ZNF81: variants seen among roughly 807,000 people sequenced by gnomAD.
ZNF81 encodes the protein zinc finger protein 81 (HFZ20).
A neutral mutation model predicts 32.3 loss-of-function variants in ZNF81; 5 were observed. That is an observed-to-expected ratio of 0.15 (90% confidence interval 0.08 to 0.33). The LOEUF (loss-of-function observed/expected upper bound fraction) is 0.33, where lower values mean the gene tolerates loss of function less well. Among genes scored for constraint, ZNF81 ranks in the 10% least tolerant of loss-of-function variants. ZNF81 has a pLI of 1.00. For synonymous variants in ZNF81, 163 were observed against 166.8 expected (o/e 0.98, Z 0.17); for missense variants, 379 against 479.8 (o/e 0.79, Z 1.96).
intron 3 of ZNF81, chrX:47,888,353 T>C: frequency 2.2e-6 from 1 of 449,221 alleles, no homozygotes; most frequent in Non-Finnish European, 3.8e-6. Context: ...CAGACACATA[T>C]ACACATACGC....
intron 3 of ZNF81, among the ~76,000 whole-genome samples, chrX:47,895,441 C>T (rs1279252614): frequency 9.0e-6 from 1 of 111,660 alleles, no homozygotes; most frequent in East Asian, 2.8e-4. Flanking sequence ...CCAAGGAATG[C>T]CAAAGAGTGC....
Position 47,921,613 on chromosome X carries a change from T to C in ZNF81, c.*4981T>C, listed in dbSNP as rs1324982161. On this transcript the variant is annotated 3_prime_UTR_variant, in exon 5 of 5. Coordinates refer to ENST00000338637, the MANE Select transcript of ZNF81 (RefSeq NM_007137.5). Reference sequence around the variant, plus strand: ...GAATTAGTGACTTGGTTCTAGTGAATAGAATGAGGCAGAGGTAATGGGATG... The same window carrying C: ...GAATTAGTGACTTGGTTCTAGTGAACAGAATGAGGCAGAGGTAATGGGATG... 9.0e-6 allele frequency: 1 copy of C among 111,101 alleles called. No individual in the cohort carries two copies. Among genetic ancestry groups the C allele is most frequent in the East Asian group, 2.8e-4 (1 of 3,537 alleles). The allele number at this position is 111,101 out of a possible 1,213,427, so 9.2% of individuals were successfully genotyped here. A position where few individuals can be genotyped will look rare whatever the true frequency, so the allele number is the denominator to read the frequency against.
chrX:47,915,425 C>T lies in ZNF81; in HGVS notation c.779C>T (p.Ser260Leu), dbSNP rs782573274. 11 of 1,211,598 alleles carry T rather than the reference C, an allele frequency of 9.1e-6. No homozygotes were observed. The highest frequency in any genetic ancestry group is 1.1e-5 in the Non-Finnish European group (10 of 895,465). ...GGAAAAGTCCTCAGCCTCAAACACT[C>T]ACTCAGTCAAAATGTGAAATTTCCC... is the stretch of plus-strand genomic sequence containing the variant. ...QCGKVLSLKH[S>L]LSQNVKFPIG... The change falls in exon 5 of 5, where the codon TCA becomes TTA. Residue 260 changes from serine (S) to leucine (L), a missense_variant. Ser to Leu is a moderately radical substitution (Grantham distance 145). Transcript: ENST00000338637.
intron 2 of ZNF81, among the ~76,000 whole-genome samples, chrX:47,867,014 A>T (rs2058562448): frequency 9.0e-6 from 1 of 111,637 alleles, no homozygotes; most frequent in South Asian, 3.8e-4. Context: ...AGAAAATGAA[A>T]CACCACATGT....
At chrX:47,889,519 T>C (rs1172459438) in intron 3 of ZNF81, among the ~76,000 whole-genome samples, 1 of 112,041 alleles carries the variant, frequency 8.9e-6, no homozygotes, top group African/African-American at 3.2e-5. Flanking sequence ...GCCATCTGTT[T>C]TCAGGGCTGA....
At chrX:47,883,946 G>A (rs1013841646) in intron 2 of ZNF81, among the ~76,000 whole-genome samples, 1 of 86,969 alleles carries the variant, frequency 1.1e-5, no homozygotes, top group Admixed American at 1.3e-4. Flanking sequence ...CCCTTCTGAG[G>A]TTAGGTTATA....
intron 2 of ZNF81, among the ~76,000 whole-genome samples, chrX:47,848,533 A>G (rs1003118903): frequency 3.7e-4 from 41 of 111,624 alleles, no homozygotes; most frequent in Non-Finnish European, 5.8e-4. Context: ...GCAGCATCAT[A>G]TCATTCTAAA....
intron 2 of ZNF81, among the ~76,000 whole-genome samples, chrX:47,856,771 C>T (rs962692516): frequency 9.0e-6 from 1 of 110,751 alleles, no homozygotes; most frequent in African/African-American, 3.3e-5. Flanking sequence ...ATGGCGAAAC[C>T]CCATCTCTAC....
At chrX:47,869,164 A>G (rs2058571297) in intron 2 of ZNF81, among the ~76,000 whole-genome samples, 1 of 112,235 alleles carries the variant, frequency 8.9e-6, no homozygotes, top group Non-Finnish European at 1.9e-5. Context: ...GGATCCTTCC[A>G]GTCAAACCAG....
intron 2 of ZNF81, among the ~76,000 whole-genome samples, chrX:47,869,385 A>G (rs1280342973): frequency 2.7e-5 from 3 of 111,970 alleles, no homozygotes; most frequent in African/African-American, 9.7e-5. Flanking sequence ...GGCACAGGAC[A>G]TGGTCTGTGT....
At chrX:47,898,442 A>G (rs782246434) in intron 4 of ZNF81, among the ~76,000 whole-genome samples, 1 of 112,175 alleles carries the variant, frequency 8.9e-6, no homozygotes, top group South Asian at 3.7e-4. Context: ...TTAATACGTT[A>G]TCCTTTTAGC....
At chrX:47,856,315 C>G (rs972466122) in intron 2 of ZNF81, among the ~76,000 whole-genome samples, 1 of 111,209 alleles carries the variant, frequency 9.0e-6, no homozygotes, top group East Asian at 2.8e-4. Context: ...TTCTCTTACT[C>G]TTTTTCAGAA....
intron 2 of ZNF81, among the ~76,000 whole-genome samples, chrX:47,862,697 G>T (rs3848866): frequency 0.43 from 47,683 of 109,932 alleles, 7,838 homozygotes; most frequent in East Asian, 0.62. Flanking sequence ...TCTTTAATTA[G>T]TTAAGATAAA....
At chrX:47,857,569 T>C (rs1041982484) in intron 2 of ZNF81, among the ~76,000 whole-genome samples, 1 of 111,791 alleles carries the variant, frequency 8.9e-6, no homozygotes, top group Non-Finnish European at 1.9e-5. Context: ...TCCTTCCTGT[T>C]AGAAATGATC....
At chrX:47,896,343 G>A (rs782225388) in intron 4 of ZNF81, among the ~76,000 whole-genome samples, 5 of 111,422 alleles carry the variant, frequency 4.5e-5, no homozygotes, top group East Asian at 5.6e-4. Context: ...TTGAAAATCC[G>A]TTGGTTGCCT....
intron 1 of ZNF81, among the ~76,000 whole-genome samples, chrX:47,843,055 C>A (rs1472008426): frequency 8.9e-6 from 1 of 112,213 alleles, no homozygotes; most frequent in African/African-American, 3.2e-5. Context: ...TAAACACCTT[C>A]CTATCTGGGA....
At chrX:47,866,803 G>A (rs782632436) in intron 2 of ZNF81, among the ~76,000 whole-genome samples, 119 of 111,241 alleles carry the variant, frequency 1.1e-3, no homozygotes, top group African/African-American at 3.5e-3. Context: ...ACATGCATGC[G>A]TGTGTTCATG....
At chrX:47,904,240 T>G (rs1169328139) in intron 4 of ZNF81, among the ~76,000 whole-genome samples, 2 of 110,825 alleles carry the variant, frequency 1.8e-5, no homozygotes. Flanking sequence ...AAAGAGCTTC[T>G]GCACAGCAAA....
At chrX:47,853,271 T>C (rs1479346330) in intron 2 of ZNF81, among the ~76,000 whole-genome samples, 2 of 108,138 alleles carry the variant, frequency 1.8e-5, no homozygotes, top group East Asian at 5.8e-4. Flanking sequence ...CGCCTCTGCC[T>C]CCTGGGTTCA....
Sources: allele counts gnomAD v4.1 joint callset (sites outside exome capture counted in the v4.1 genomes callset), GRCh38; gene constraint gnomAD v4.1.1; transcripts MANE v1.5; gene names NCBI Gene and HGNC (gene_info 2026-07-23, HGNC 2026-07-21).